Variants in USP12 observed in about 807,000 individuals in gnomAD.
USP12 encodes the protein ubiquitin carboxyl-terminal hydrolase 12.
USP12 carries 19 observed loss-of-function variants against 45.5 expected under a neutral mutation model. The ratio of observed to expected loss-of-function variants is 0.42; its 90% CI spans 0.29 to 0.61. USP12 has a LOEUF of 0.61. USP12 is among the 20% of genes least tolerant of loss of function. The pLI is 0.22. For synonymous variants in USP12, 149 were observed against 148.8 expected, an observed-to-expected ratio of 1.00 and a Z score of -0.01; for missense variants, 242 against 447.7, an observed-to-expected ratio of 0.54 and a Z score of 4.15.
At chr13:27,138,510 A>G (rs1876912200) in intron 1 of USP12, among the ~76,000 whole-genome samples, 1 of 152,200 alleles carries the variant, frequency 6.6e-6, no homozygotes, top group Admixed American at 6.5e-5. Context: ...GCAGCTTGAC[A>G]TGCCTCAGAC....
chr13:27,094,574 G>A (rs972490833), intron 4 of USP12, among the ~76,000 whole-genome samples: 1 of 152,076 alleles, frequency 6.6e-6, no homozygotes, highest in African/African-American at 2.4e-5. Flanking sequence ...ACCAATGAGA[G>A]GCAGATGGAT....
At chr13:27,085,344 C>A (rs1439290132) in intron 6 of USP12, among the ~76,000 whole-genome samples, 2 of 151,972 alleles carry the variant, frequency 1.3e-5, no homozygotes, top group Non-Finnish European at 2.9e-5. Flanking sequence ...CCACGCCTGG[C>A]TAATTTTTGT....
At position 27,120,997 on chromosome 13, in the gene USP12, ATTCTC is replaced by A. The variant is rs745736729; in HGVS notation, c.49-4406_49-4402del. Among the ~76,000 whole-genome samples, 32 of 152,320 alleles carry A rather than the reference ATTCTC, an allele frequency of 2.1e-4. No homozygotes were observed. In the Middle Eastern group the frequency reaches 0.017, roughly 81 times the overall value. On this transcript the variant is annotated intron_variant, in intron 1 of 8. Coordinates refer to ENST00000282344, the MANE Select transcript of USP12 (RefSeq NM_182488.4). ...ATTTCCTGACCCTAGTGACCTTTAA[ATTCTC>A]TTCTAACAGCTGAATGGAACGGTAT...
At chr13:27,104,852 T>C (rs1447815085) in intron 3 of USP12, among the ~76,000 whole-genome samples, 1 of 152,232 alleles carries the variant, frequency 6.6e-6, no homozygotes, top group Non-Finnish European at 1.5e-5. Flanking sequence ...GTCTACTTAA[T>C]AGGTAACAAA....
At chr13:27,083,240 A>C (rs568515323) in intron 6 of USP12, among the ~76,000 whole-genome samples, 1 of 152,350 alleles carries the variant, frequency 6.6e-6, no homozygotes, top group East Asian at 1.9e-4. Context: ...ATAATAATGA[A>C]AAAGTTTGAA....
intron 2 of USP12, among the ~76,000 whole-genome samples, chr13:27,112,653 C>A (rs997405936): frequency 6.6e-5 from 10 of 152,096 alleles, no homozygotes; most frequent in Non-Finnish European, 1.2e-4. Context: ...TCTAAAACTA[C>A]ATTTAAATTA....
chr13:27,171,168 C>A (rs1440720960), intron 1 of USP12, among the ~76,000 whole-genome samples: 1 of 151,238 alleles, frequency 6.6e-6, no homozygotes, highest in Non-Finnish European at 1.5e-5. Context: ...CGCCCCCTCC[C>A]CGACGACCCC....
At chr13:27,160,495 TAA>T (rs540739773) in intron 1 of USP12, among the ~76,000 whole-genome samples, 2 of 145,132 alleles carry the variant, frequency 1.4e-5, no homozygotes. Flanking sequence ...GAACTGTCTT[TAA>T]AAAAAAAAAA....
intron 6 of USP12, among the ~76,000 whole-genome samples, chr13:27,076,054 T>C (rs956696481): frequency 9.2e-5 from 12 of 130,802 alleles, no homozygotes; most frequent in Admixed American, 6.9e-4. Flanking sequence ...AAAAGAGTGG[T>C]AGAGGGAAAA....
chr13:27,149,294 C>T (rs552254479), intron 1 of USP12, among the ~76,000 whole-genome samples: 1 of 152,220 alleles, frequency 6.6e-6, no homozygotes, highest in Non-Finnish European at 1.5e-5. Context: ...TACTTAATAG[C>T]GAAAACACTG....
intron 3 of USP12, among the ~76,000 whole-genome samples, chr13:27,102,089 C>G (rs529635131): frequency 6.6e-6 from 1 of 152,284 alleles, no homozygotes; most frequent in Non-Finnish European, 1.5e-5. Flanking sequence ...AAAAGTAGAT[C>G]TGCCCCCAAA....
intron 3 of USP12, among the ~76,000 whole-genome samples, chr13:27,103,607 A>AT (rs1555234497): frequency 7.8e-5 from 10 of 128,520 alleles, no homozygotes; most frequent in South Asian, 2.7e-4. Flanking sequence ...TCAAAAAAAA[A>AT]AATAATAATA....
intron 3 of USP12, among the ~76,000 whole-genome samples, chr13:27,098,355 T>A (rs949556995): frequency 1.1e-5 from 1 of 94,680 alleles, no homozygotes; most frequent in Non-Finnish European, 2.2e-5. Context: ...AGGTTTAATA[T>A]ACAGAATATT....
chr13:27,081,997 C>G (rs56261639), intron 6 of USP12, among the ~76,000 whole-genome samples: 2 of 152,080 alleles, frequency 1.3e-5, no homozygotes, highest in African/African-American at 4.8e-5. Flanking sequence ...GTAGATTCAG[C>G]GTAATTCTTA....
chr13:27,088,334 T>C (rs1293823073), intron 6 of USP12, among the ~76,000 whole-genome samples: 4 of 144,422 alleles, frequency 2.8e-5, no homozygotes, highest in Non-Finnish European at 4.5e-5. Context: ...GAGAATGGCG[T>C]GAATCCGGGA....
At chr13:27,154,358 C>T (rs950076787) in intron 1 of USP12, among the ~76,000 whole-genome samples, 1 of 152,148 alleles carries the variant, frequency 6.6e-6, no homozygotes, top group African/African-American at 2.4e-5. Context: ...TATTTACTTA[C>T]TTATCAAAAG....
At chr13:27,105,606 T>A (rs748885806) in intron 3 of USP12, 125 bp downstream of exon 3, 4 of 889,514 alleles carry the variant, frequency 4.5e-6, no homozygotes, top group Non-Finnish European at 6.8e-6. Context: ...AGGCGTGTCA[T>A]CCTTGTTTCT....
At chr13:27,144,744 G>GT (rs1379438418) in intron 1 of USP12, among the ~76,000 whole-genome samples, 14 of 135,244 alleles carry the variant, frequency 1.0e-4, no homozygotes, top group African/African-American at 3.8e-4. Flanking sequence ...TTTGTTTTTT[G>GT]TTGTTTTTTT....
chr13:27,158,496 G>C (rs999018087), intron 1 of USP12, among the ~76,000 whole-genome samples: 1 of 152,182 alleles, frequency 6.6e-6, no homozygotes, highest in African/African-American at 2.4e-5. Flanking sequence ...GTATGTCATA[G>C]AGTGTACTCA....
Sources: allele counts gnomAD v4.1 joint callset (sites outside exome capture counted in the v4.1 genomes callset), GRCh38; gene constraint gnomAD v4.1.1; transcripts MANE v1.5; gene names NCBI Gene and HGNC (gene_info 2026-07-23, HGNC 2026-07-21).